MYO5B: variants seen among roughly 807,000 people sequenced by gnomAD.
MYO5B encodes myosin VB.
MYO5B carries 143 observed loss-of-function variants against 229.3 expected under a neutral mutation model. The observed-to-expected ratio is 0.62, with a 90% CI of 0.54 to 0.72. The LOEUF (loss-of-function observed/expected upper bound fraction) is 0.72, where lower values mean the gene tolerates loss of function less well. Among genes scored for constraint, MYO5B ranks in the 30% least tolerant of loss-of-function variants. The probability of loss-of-function intolerance (pLI) is 0.00; values close to 1 mark genes in which losing one functional copy is unlikely to be tolerated. For missense variants in MYO5B, 2,321 were observed against 2,331.0 expected (o/e 1.00, Z 0.09); for synonymous variants, 918 against 885.2 (o/e 1.04, Z -0.66).
intron 27 of MYO5B, among the ~76,000 whole-genome samples, chr18:49,868,780 G>A (rs758796824): frequency 1.3e-5 from 2 of 152,150 alleles, no homozygotes; most frequent in East Asian, 1.9e-4. Context: ...TCAGGCCTCC[G>A]GAGACAATGC....
At chr18:50,080,326 C>A (rs1052796129) in intron 1 of MYO5B, among the ~76,000 whole-genome samples, 1 of 152,022 alleles carries the variant, frequency 6.6e-6, no homozygotes, top group African/African-American at 2.4e-5. Flanking sequence ...CTGTGGGGTG[C>A]GGGGAGGTGC....
At chr18:50,003,897 A>T (rs989075205) in intron 4 of MYO5B, among the ~76,000 whole-genome samples, 1 of 152,220 alleles carries the variant, frequency 6.6e-6, no homozygotes, top group African/African-American at 2.4e-5. Context: ...GGAGGAAATG[A>T]ATCCCATCAG....
intron 1 of MYO5B, among the ~76,000 whole-genome samples, chr18:50,138,271 G>C (rs1285701467): frequency 6.6e-6 from 1 of 152,176 alleles, no homozygotes; most frequent in African/African-American, 2.4e-5. Flanking sequence ...TAAATGGAAT[G>C]TTTTCTCTAT....
At chr18:49,934,041 A>T (rs1257578689) in intron 16 of MYO5B, among the ~76,000 whole-genome samples, 1 of 151,918 alleles carries the variant, frequency 6.6e-6, no homozygotes, top group East Asian at 1.9e-4. Flanking sequence ...ATGCCCAGCT[A>T]ATTTTAAAAT....
intron 5 of MYO5B, among the ~76,000 whole-genome samples, chr18:49,998,411 G>A (rs1391456355): frequency 1.3e-5 from 2 of 152,102 alleles, no homozygotes; most frequent in African/African-American, 4.8e-5. Flanking sequence ...ACTGAAGCAC[G>A]TTGAGCATAT....
Position 50,001,402 on chromosome 18 carries a change from C to G in MYO5B, c.465G>C (p.Lys155Asn), listed in dbSNP as rs1598943512. Reference sequence around the variant, plus strand: ...CCCCACTGACTATGATGGACTGATTCTTCTCATCTCTGGAAGGAAAAAAGC... The same window carrying G: ...CCCCACTGACTATGATGGACTGATTGTTCTCATCTCTGGAAGGAAAAAAGC... ...EAYKQMARDEKNQSIIVSGES... is the reference protein window; with the variant it reads ...EAYKQMARDENNQSIIVSGES... The change falls in exon 5 of 40, where the codon AAG becomes AAC. Residue 155 changes from lysine (K) to asparagine (N), a missense_variant. Coordinates refer to ENST00000285039, the MANE Select transcript of MYO5B (RefSeq NM_001080467.3). 1 of 1,614,160 alleles carries G rather than the reference C, an allele frequency of 6.2e-7. No individual in the cohort carries two copies. Among genetic ancestry groups the G allele is most frequent in the East Asian group, 2.2e-5 (1 of 44,876 alleles).
intron 1 of MYO5B, among the ~76,000 whole-genome samples, chr18:50,096,764 C>A (rs1487465086): frequency 6.6e-6 from 1 of 152,210 alleles, no homozygotes; most frequent in East Asian, 1.9e-4. Context: ...ACCCCCTTTG[C>A]CCTGCCTTGC....
chr18:49,899,441 T>C (rs1171263844), intron 21 of MYO5B, among the ~76,000 whole-genome samples: 1 of 152,168 alleles, frequency 6.6e-6, no homozygotes, highest in Admixed American at 6.5e-5. Flanking sequence ...GCAAGGACAA[T>C]GCTATCTGTA....
chr18:49,887,607 C>A (rs1787312), intron 22 of MYO5B, among the ~76,000 whole-genome samples: 87,254 of 151,564 alleles, frequency 0.58, 25,279 homozygotes, highest in Middle Eastern at 0.66. Context: ...CAGATGCCAG[C>A]ACTACACTTC....
rs533644660 is a variant in MYO5B, at chr18:50,085,616, A to G, written c.28-30238T>C. Among the ~76,000 whole-genome samples, 1,258 of 152,256 alleles carry G rather than the reference A, an allele frequency of 8.3e-3. 15 individuals carry two copies. Among genetic ancestry groups the G allele is most frequent in the African/African-American group, 0.028 (1,158 of 41,508 alleles). On this transcript the variant is annotated intron_variant, in intron 1 of 39. Coordinates refer to ENST00000285039, the MANE Select transcript of MYO5B (RefSeq NM_001080467.3). ...TGCTGCTATAAAGACACATGCACAC[A>G]TATGTTTTTTGCGGCACTATTCACA...
At chr18:49,888,695 G>A (rs1457752483) in intron 22 of MYO5B, among the ~76,000 whole-genome samples, 1 of 152,182 alleles carries the variant, frequency 6.6e-6, no homozygotes, top group Non-Finnish European at 1.5e-5. Flanking sequence ...CGACCTGGGT[G>A]GGCCCAGCTC....
At chr18:49,969,603 A>T (rs1158508035) in intron 10 of MYO5B, 1 of 152,150 alleles carries the variant, frequency 6.6e-6, no homozygotes, top group Non-Finnish European at 1.5e-5. Context: ...TTCTTTGTTC[A>T]AGACGCCAAG....
chr18:49,906,329 G>A lies in MYO5B; in HGVS notation c.2414+90C>T. 7.0e-6 allele frequency: 9 copies of A among 1,291,404 alleles called. No individual in the cohort carries two copies. In the South Asian group the frequency reaches 8.6e-5, roughly 12 times the overall value. 80.0% of individuals were successfully genotyped at this position (1,291,404 alleles called of 1,614,324 possible). A position where few individuals can be genotyped will look rare whatever the true frequency, so the allele number is the denominator to read the frequency against. On this transcript the variant is annotated intron_variant, in intron 19 of 39. Coordinates refer to ENST00000285039, the MANE Select transcript of MYO5B (RefSeq NM_001080467.3). Reference sequence around the variant, plus strand: ...CCCAACAGGAACCACTCTCAGCACAGAGGAAGAGAGAAGCCAAGTAGCTGA... The same window carrying A: ...CCCAACAGGAACCACTCTCAGCACAAAGGAAGAGAGAAGCCAAGTAGCTGA...
chr18:49,893,818 CTGTGTGT>C (rs1486865092), intron 22 of MYO5B, among the ~76,000 whole-genome samples: 1 of 152,170 alleles, frequency 6.6e-6, no homozygotes, highest in Non-Finnish European at 1.5e-5. Flanking sequence ...CCACGGATGT[CTGTGTGT>C]TCCTCAGCTG....
At chr18:49,874,584 T>C (rs1189989270) in intron 26 of MYO5B, among the ~76,000 whole-genome samples, 2 of 152,216 alleles carry the variant, frequency 1.3e-5, no homozygotes, top group Admixed American at 1.3e-4. Flanking sequence ...GCCAGCAATA[T>C]AGATCAGAAT....
intron 1 of MYO5B, among the ~76,000 whole-genome samples, chr18:50,062,098 T>C (rs535012562): frequency 1.3e-5 from 2 of 152,286 alleles, no homozygotes; most frequent in East Asian, 3.9e-4. Context: ...TATTGATTTG[T>C]TTACAGCAGC....
At chr18:49,834,393 AG>A (rs1215317945) in intron 39 of MYO5B, among the ~76,000 whole-genome samples, 1 of 152,126 alleles carries the variant, frequency 6.6e-6, no homozygotes, top group East Asian at 1.9e-4. Context: ...GTCTCCCCTG[AG>A]GTGCTCCCCA....
chr18:49,921,171 GGAA>G (rs910586505), intron 17 of MYO5B, among the ~76,000 whole-genome samples: 2 of 151,900 alleles, frequency 1.3e-5, no homozygotes, highest in African/African-American at 4.8e-5. Context: ...AGAAAGTTGA[GGAA>G]GAAGTGGAAG....
intron 14 of MYO5B, among the ~76,000 whole-genome samples, chr18:49,944,771 A>T (rs1253887348): frequency 6.6e-6 from 1 of 151,982 alleles, no homozygotes; most frequent in African/African-American, 2.4e-5. Context: ...TGTTGCTTCA[A>T]ACCCCTCCCT....
Sources: allele counts gnomAD v4.1 joint callset (sites outside exome capture counted in the v4.1 genomes callset), GRCh38; gene constraint gnomAD v4.1.1; transcripts MANE v1.5; gene names NCBI Gene and HGNC (gene_info 2026-07-23, HGNC 2026-07-21).